The following ZNF680 variants were observed in gnomAD, a reference collection of about 807,000 sequenced individuals.
ZNF680 encodes zinc finger protein 680, also known as hypothetical protein FLJ90430.
Under a neutral mutation model 12.1 loss-of-function variants are expected in ZNF680, and 6 were observed. The ratio of observed to expected loss-of-function variants is 0.49; its 90% CI spans 0.27 to 0.98. ZNF680 has a LOEUF of 0.98. ZNF680 is among the 50% of genes least tolerant of loss of function. The probability of loss-of-function intolerance (pLI) is 0.12; values close to 1 mark genes in which losing one functional copy is unlikely to be tolerated. For missense variants in ZNF680, 561 were observed against 616.3 expected (o/e 0.91, Z 0.95); for synonymous variants, 170 against 199.3 (o/e 0.85, Z 1.24).
At chr7:64,503,934 T>C in the ZNF680 span, among the ~76,000 whole-genome samples, 1 of 152,180 alleles carries the variant, frequency 6.6e-6, no homozygotes, top group Non-Finnish European at 1.5e-5. Flanking sequence ...TAAATCTTCT[T>C]TAAAAAGCTA....
At chr7:64,533,058 C>G (rs1311962684) in intron 3 of ZNF680, among the ~76,000 whole-genome samples, 1 of 152,180 alleles carries the variant, frequency 6.6e-6, no homozygotes, top group Admixed American at 6.5e-5. Flanking sequence ...CCACAGCCAA[C>G]ATAATACTGA....
chr7:64,522,260 T>G lies in ZNF680; in HGVS notation c.494A>C (p.Lys165Thr). Residue 165 changes from lysine to threonine, a missense_variant, in exon 4 of 4, where the codon AAA becomes ACA. Coordinates refer to ENST00000309683, the MANE Select transcript of ZNF680 (RefSeq NM_178558.5). ...CTTATGACTGTTTGAATTTGAAAAT[T>G]TATGAAAGACTTTCACGTATTTATC... The part of the protein sequence containing the change: ...QCDKYVKVFH[K>T]FSNSNSHKKR... The G allele has an allele frequency of 1.2e-6, 2 of 1,612,976 alleles. No individual in the cohort carries two copies.
At chr7:64,515,567 TG>T (rs1196723749), downstream of ZNF680, among the ~76,000 whole-genome samples, 2 of 151,560 alleles carry the variant, frequency 1.3e-5, no homozygotes, top group Admixed American at 1.3e-4. Context: ...AAATGCAGCC[TG>T]GAAAAAAAAA....
intron 1 of ZNF680, among the ~76,000 whole-genome samples, chr7:64,555,733 A>AATAT (rs1203134193): frequency 1.1e-5 from 1 of 87,532 alleles, no homozygotes; most frequent in Non-Finnish European, 2.3e-5. Flanking sequence ...TGTAAAAAAA[A>AATAT]ATATATATAT....
At chr7:64,523,742 T>A (rs1791673906) in intron 3 of ZNF680, among the ~76,000 whole-genome samples, 1 of 151,760 alleles carries the variant, frequency 6.6e-6, no homozygotes, top group African/African-American at 2.4e-5. Flanking sequence ...TGAAACCCTG[T>A]CTCTACTAAA....
At chr7:64,553,596 A>C (rs563125980) in intron 1 of ZNF680, among the ~76,000 whole-genome samples, 6 of 151,970 alleles carry the variant, frequency 3.9e-5, no homozygotes, top group Admixed American at 1.3e-4. Context: ...ATAAAAAAAA[A>C]TCTGTGCCCT....
At chr7:64,517,635 C>T (rs1319896155), downstream of ZNF680, among the ~76,000 whole-genome samples, 2 of 151,652 alleles carry the variant, frequency 1.3e-5, no homozygotes, top group Non-Finnish European at 2.9e-5. Flanking sequence ...CAGAAAAGGA[C>T]ATAGCCAAAA....
intron 1 of ZNF680, chr7:64,551,879 A>T (rs763062796): frequency 6.6e-6 from 1 of 152,174 alleles, no homozygotes; most frequent in Non-Finnish European, 1.5e-5. Flanking sequence ...TTCCCTATAA[A>T]ATATTTCTCT....
chr7:64,552,863 C>T (rs770064088), intron 1 of ZNF680, among the ~76,000 whole-genome samples: 2 of 152,096 alleles, frequency 1.3e-5, no homozygotes, highest in Non-Finnish European at 2.9e-5. Context: ...CGGTGGCTCA[C>T]GCCAGTAATC....
At chr7:64,510,376 A>G in the ZNF680 span, among the ~76,000 whole-genome samples, 1 of 152,124 alleles carries the variant, frequency 6.6e-6, no homozygotes, top group Non-Finnish European at 1.5e-5. Context: ...GCCTAAAAAA[A>G]GCTTTAGTAA....
the ZNF680 span, chr7:64,500,961 G>T: frequency 3.0e-6 from 2 of 656,048 alleles, no homozygotes; most frequent in Non-Finnish European, 5.8e-6. Context: ...ATTGTGGGTT[G>T]CTCAGTTCAT....
intron 3 of ZNF680, among the ~76,000 whole-genome samples, chr7:64,524,349 C>A (rs754813546): frequency 6.6e-5 from 10 of 151,856 alleles, no homozygotes; most frequent in Non-Finnish European, 1.5e-4. Context: ...AGGTTTCACT[C>A]AAACTCCTGA....
At chr7:64,515,777 T>C (rs1238443799), downstream of ZNF680, among the ~76,000 whole-genome samples, 1 of 152,164 alleles carries the variant, frequency 6.6e-6, no homozygotes, top group Admixed American at 6.5e-5. Context: ...ACAAAAAGTT[T>C]CTTCTCCTTT....
chr7:64,548,991 G>A (rs954681611), intron 1 of ZNF680, among the ~76,000 whole-genome samples: 8 of 152,068 alleles, frequency 5.3e-5, no homozygotes, highest in African/African-American at 1.9e-4. Context: ...GTGGTGGCAT[G>A]TGCCTGTAAT....
intron 3 of ZNF680, among the ~76,000 whole-genome samples, chr7:64,536,987 T>C (rs2116455203): frequency 6.6e-6 from 1 of 152,234 alleles, no homozygotes; most frequent in East Asian, 1.9e-4. Context: ...GAAGGATCAC[T>C]TGAGCCCAGG....
rs1473183577 is a variant in ZNF680 at position 64,522,112 on chromosome 7, T to A, written c.642A>T (p.Glu214Asp). ...AGAACCAGTTAAGAACTTTGCCACA[T>A]TCCTCACATTTGTAAGAATTCTCTC... ...HTRENSYKCE[E>D]CGKVLNWFSE... The change falls in exon 4 of 4, where the codon GAA (glutamate) becomes GAT (aspartate). Residue 214 changes from glutamate (E) to aspartate (D), a missense_variant. By Grantham distance (45) the Glu-to-Asp change is conservative. Transcript: ENST00000309683. The A allele has an allele frequency of 6.2e-7, 1 of 1,611,316 alleles. No homozygotes were observed. Among genetic ancestry groups the A allele is most frequent in the East Asian group, 2.2e-5 (1 of 44,798 alleles).
the ZNF680 span, among the ~76,000 whole-genome samples, chr7:64,510,823 T>C: frequency 1.6e-5 from 2 of 124,956 alleles, no homozygotes; most frequent in African/African-American, 6.3e-5. Flanking sequence ...GGCAGGAGAA[T>C]GGCGTGAACC....
the ZNF680 span, among the ~76,000 whole-genome samples, chr7:64,503,805 T>C: frequency 5.3e-5 from 8 of 152,190 alleles, no homozygotes; most frequent in Admixed American, 1.3e-4. Context: ...AGAAGACATA[T>C]TTGCGTCTTA....
chr7:64,553,081 C>A (rs913820620), intron 1 of ZNF680, among the ~76,000 whole-genome samples: 1 of 150,068 alleles, frequency 6.7e-6, no homozygotes, highest in East Asian at 2.0e-4. Context: ...GCTGAGACTG[C>A]GCCACTGCAC....
Sources: gnomAD v4.1 joint callset for allele counts (sites outside exome capture counted in the v4.1 genomes callset) on GRCh38, gnomAD v4.1.1 for gene constraint, MANE v1.5 for transcripts, NCBI Gene and HGNC (gene_info 2026-07-23, HGNC 2026-07-21) for gene names.